The following HACD1 variants were observed in gnomAD, a reference collection of about 807,000 sequenced individuals.
HACD1 encodes the protein 3-hydroxyacyl-CoA dehydratase 1.
HACD1 carries 41 observed loss-of-function variants against 32.0 expected under a neutral mutation model. The ratio of observed to expected loss-of-function variants is 1.28; its 90% CI spans 1.00 to 1.66. The LOEUF (loss-of-function observed/expected upper bound fraction) is 1.66, where lower values mean the gene tolerates loss of function less well. Ranked by LOEUF, HACD1 falls within the 40% of genes most tolerant of loss-of-function variation. The probability of loss-of-function intolerance (pLI) is 0.00; values close to 1 mark genes in which losing one functional copy is unlikely to be tolerated. For synonymous variants in HACD1, 142 were observed against 139.0 expected, an observed-to-expected ratio of 1.02 and a Z score of -0.15; for missense variants, 396 against 380.1, an observed-to-expected ratio of 1.04 and a Z score of -0.35.
At position 17,589,232 on chromosome 10, in the gene HACD1, T is replaced by G. The variant is rs1232999599; in HGVS notation, c.*1132A>C. 1.3e-5 allele frequency: 2 copies of G among 152,174 alleles called. No homozygotes were observed. Among genetic ancestry groups the G allele is most frequent in the Non-Finnish European group, 2.9e-5 (2 of 68,048 alleles). 9.4% of individuals were successfully genotyped at this position (152,174 alleles called of 1,614,324 possible). A position where few individuals can be genotyped will look rare whatever the true frequency, so the allele number is the denominator to read the frequency against. The stretch of plus-strand genomic sequence containing the variant: ...ATAGAGAAGACTTTCTCAACCAAAG[T>G]TCTGAGTACAGCATGATCATCTTCC... On this transcript the variant is annotated 3_prime_UTR_variant, in exon 7 of 7. Transcript: ENST00000361271.
chr10:17,608,773 C>T lies in HACD1; in HGVS notation c.258-4726G>A, dbSNP rs564572852. 1.5e-3 allele frequency among the ~76,000 whole-genome samples: 232 copies of T among 152,254 alleles called. 2 individuals are homozygous for T. Among genetic ancestry groups the T allele is most frequent in the Non-Finnish European group, 2.5e-3 (167 of 68,026 alleles). ...AAGTACTGGGGTTACAGACGTGAGC[C>T]GCCACGTCTGGCCCATACTTTCATA... is the stretch of plus-strand genomic sequence containing the variant. On this transcript the variant is annotated intron_variant, in intron 1 of 6. Transcript: ENST00000361271.
intron 1 of HACD1, among the ~76,000 whole-genome samples, chr10:17,610,666 A>G (rs1588993787): frequency 6.6e-6 from 1 of 151,978 alleles, no homozygotes; most frequent in East Asian, 1.9e-4. Flanking sequence ...TAAATAAACC[A>G]CTAGGAATAA....
chr10:17,617,240 G>A lies in HACD1; in HGVS notation c.100C>T (p.Pro34Ser). 1 of 1,484,582 alleles carries A rather than the reference G, an allele frequency of 6.7e-7. No individual in the cohort carries two copies. 92.0% of individuals were successfully genotyped at this position (1,484,582 alleles called of 1,614,324 possible). Residue 34 changes from proline to serine, a missense_variant, in exon 1 of 7, where the codon CCC (proline) becomes TCC (serine). By Grantham distance (74) the Pro-to-Ser change is moderately conservative. Coordinates refer to ENST00000361271, the MANE Select transcript of HACD1 (RefSeq NM_014241.4). ...GACGCCATGGTGGCCGCGCACCTGG[G>A]GGACGTGGGAGACAGCGGCAGGAGC... ...PTLLPLSPTS[P>S]RCAATMASSD...
chr10:17,590,354 C>A lies in HACD1; in HGVS notation c.*10G>T. On this transcript the variant is annotated 3_prime_UTR_variant, in exon 7 of 7. Coordinates refer to ENST00000361271, the MANE Select transcript of HACD1 (RefSeq NM_014241.4). Reference sequence around the variant, plus strand: ...TATTCTGGAAAAAGCACCTTGTTTGCAGAGATCATTTAATCATCCTTTTCT... The same window carrying A: ...TATTCTGGAAAAAGCACCTTGTTTGAAGAGATCATTTAATCATCCTTTTCT... The A allele has an allele frequency of 6.4e-7, 1 of 1,565,400 alleles. No individual in the cohort carries two copies. Among genetic ancestry groups the A allele is most frequent in the Non-Finnish European group, 8.7e-7 (1 of 1,147,036 alleles).
intron 6 of HACD1, among the ~76,000 whole-genome samples, chr10:17,593,078 T>C (rs551511666): frequency 7.9e-5 from 12 of 152,018 alleles, no homozygotes; most frequent in African/African-American, 2.9e-4. Flanking sequence ...GGCAGGCGCT[T>C]GTAATCCCAT....
At chr10:17,606,233 A>T (rs1834146749) in intron 1 of HACD1, among the ~76,000 whole-genome samples, 1 of 152,238 alleles carries the variant, frequency 6.6e-6, no homozygotes, top group South Asian at 2.1e-4. Context: ...CTCGCTTTTA[A>T]ACTTACGTTT....
intron 5 of HACD1, among the ~76,000 whole-genome samples, chr10:17,595,154 C>T (rs183050704): frequency 4.6e-5 from 7 of 152,166 alleles, no homozygotes; most frequent in African/African-American, 1.2e-4. Flanking sequence ...CCACCATGCC[C>T]GGCCTATGTA....
chr10:17,617,120 C>A lies in HACD1; in HGVS notation c.220G>T (p.Ala74Ser), dbSNP rs782287794. 1.3e-6 allele frequency: 2 copies of A among 1,503,970 alleles called. No homozygotes were observed. The highest frequency in any genetic ancestry group is 2.1e-5 in the Admixed American group (1 of 46,846). The allele number at this position is 1,503,970 out of a possible 1,614,324, so 93.2% of individuals were successfully genotyped here. The stretch of plus-strand genomic sequence containing the variant: ...GCGATGTCGTAGAAGGTGAGCCAGG[C>A]GGTGGCCAAGACCCCCAGGCGCCTC... ...ERRRLGVLAT[A>S]WLTFYDIAMT... The change falls in exon 1 of 7, where the codon GCC (alanine) becomes TCC (serine). Residue 74 changes from alanine to serine, a missense_variant. Ala to Ser is a moderately conservative substitution (Grantham distance 99). Transcript: ENST00000361271.
intron 6 of HACD1, among the ~76,000 whole-genome samples, chr10:17,591,728 C>A (rs572211153): frequency 2.2e-3 from 221 of 99,860 alleles, no homozygotes; most frequent in African/African-American, 6.3e-3. Flanking sequence ...AACCAATGAA[C>A]CTTATCACAA....
intron 1 of HACD1, among the ~76,000 whole-genome samples, chr10:17,613,098 GT>G (rs1554817688): frequency 0.094 from 647 of 6,908 alleles, 1 homozygote; most frequent in African/African-American, 0.3. Flanking sequence ...GCAATTTGGG[GT>G]GTGTGTGTGT....
chr10:17,612,644 G>A (rs1833001496), intron 1 of HACD1, among the ~76,000 whole-genome samples: 1 of 152,180 alleles, frequency 6.6e-6, no homozygotes, highest in Non-Finnish European at 1.5e-5. Flanking sequence ...GAGGGGGCCG[G>A]GCGCGGTGGC....
In HACD1 at chr10:17,595,621, T is replaced by C. The variant is rs74117865; in HGVS notation, c.606-1238A>G. Reference sequence around the variant, plus strand: ...CACACAGTAGGCCAGGCATCCTGTATGCTTCCAATTAGGAAACACTCTGTG... The same window carrying C: ...CACACAGTAGGCCAGGCATCCTGTACGCTTCCAATTAGGAAACACTCTGTG... On this transcript the variant is annotated intron_variant, in intron 5 of 6. Coordinates refer to ENST00000361271, the MANE Select transcript of HACD1 (RefSeq NM_014241.4). Among the ~76,000 whole-genome samples the C allele has an allele frequency of 8.6e-3, 1,305 of 152,254 alleles. 24 individuals carry two copies. Among genetic ancestry groups the C allele is most frequent in the African/African-American group, 0.03 (1,226 of 41,528 alleles).
chr10:17,591,976 A>ATTTTTTTTTTTTTTTTTTTTTTTTTTT lies in HACD1; in HGVS notation c.785-1531_785-1530insAAAAAAAAAAAAAAAAAAAAAAAAAAA, dbSNP rs71393019. ...CCCTGCCTTAACTCACCAGCTACTG[A>ATTTTTTTTTTTTTTTTTTTTTTTTTTT]TTTTTTTTTTTTTTTTTTTTTTTGA... On this transcript the variant is annotated intron_variant, in intron 6 of 6. Transcript: ENST00000361271. Among the ~76,000 whole-genome samples the ATTTTTTTTTTTTTTTTTTTTTTTTTTT allele has an allele frequency of 3.1e-5, 3 of 96,954 alleles. 1 individual carries two copies. The highest frequency in any genetic ancestry group is 9.0e-5 in the African/African-American group (2 of 22,302). 63.6% of individuals were successfully genotyped at this position (96,954 alleles called of 152,430 possible).
chr10:17,598,871 GA>G (rs1484903799), intron 5 of HACD1, among the ~76,000 whole-genome samples: 7 of 151,440 alleles, frequency 4.6e-5, no homozygotes, highest in African/African-American at 9.7e-5. Context: ...TTAAAGCAAA[GA>G]AAAAAACCAA....
intron 1 of HACD1, among the ~76,000 whole-genome samples, chr10:17,608,985 T>C (rs1209274078): frequency 6.6e-6 from 1 of 152,098 alleles, no homozygotes; most frequent in African/African-American, 2.4e-5. Context: ...TTAAGACACC[T>C]GCTCTTTGAA....
chr10:17,601,630 T>C (rs1405939772), intron 4 of HACD1, among the ~76,000 whole-genome samples: 2 of 152,192 alleles, frequency 1.3e-5, no homozygotes, highest in African/African-American at 2.4e-5. Flanking sequence ...ATGGTGGTCC[T>C]AACTCAGCTA....
intron 1 of HACD1, among the ~76,000 whole-genome samples, chr10:17,613,097 GGTGTGTGTGTGTGTGTGTGT>G (rs56074507): frequency 0.013 from 1,756 of 132,872 alleles, 20 homozygotes; most frequent in Middle Eastern, 0.044. Context: ...TGCAATTTGG[GGTGTGTGTGTGTGTGTGTGT>G]GTGTGTGTGT....
Position 17,590,349 on chromosome 10 carries a change from G to C in HACD1, c.*15C>G. The C allele has an allele frequency of 6.4e-7, 1 of 1,556,248 alleles. No homozygotes were observed. Among genetic ancestry groups the C allele is most frequent in the Non-Finnish European group, 8.8e-7 (1 of 1,140,236 alleles). ...TTGGTTATTCTGGAAAAAGCACCTT[G>C]TTTGCAGAGATCATTTAATCATCCT... is the stretch of plus-strand genomic sequence containing the variant. On this transcript the variant is annotated 3_prime_UTR_variant, in exon 7 of 7. Transcript: ENST00000361271.
In HACD1 at chr10:17,594,195, A is replaced by G. The variant is rs1328328093; in HGVS notation, c.784+10T>C. The G allele has an allele frequency of 2.1e-6, 3 of 1,460,686 alleles. No homozygotes were observed. The highest frequency in any genetic ancestry group is 1.6e-5 in the South Asian group (1 of 64,192). The allele number at this position is 1,460,686 out of a possible 1,614,324, so 90.5% of individuals were successfully genotyped here. The stretch of plus-strand genomic sequence containing the variant: ...ATGTCAAATCAAAGTACTAATAAGT[A>G]TATACTTACAAGGTATATATGATGC... On this transcript the variant is annotated intron_variant, in intron 6 of 6. Coordinates refer to ENST00000361271, the MANE Select transcript of HACD1 (RefSeq NM_014241.4).
Sources: allele counts gnomAD v4.1 joint callset (sites outside exome capture counted in the v4.1 genomes callset), GRCh38; gene constraint gnomAD v4.1.1; transcripts MANE v1.5; gene names NCBI Gene and HGNC (gene_info 2026-07-23, HGNC 2026-07-21).